The following MAGI1 variants were observed in gnomAD, a reference collection of about 807,000 sequenced individuals.
The protein encoded by MAGI1 is membrane associated guanylate kinase, WW and PDZ domain containing 1.
MAGI1 carries 58 observed loss-of-function variants against 139.9 expected under a neutral mutation model. The ratio of observed to expected loss-of-function variants is 0.41; its 90% CI spans 0.34 to 0.52. The LOEUF is 0.52. MAGI1 is among the 20% of genes least tolerant of loss of function. The probability of loss-of-function intolerance (pLI) is 0.12; values close to 1 mark genes in which losing one functional copy is unlikely to be tolerated. For missense variants in MAGI1, 1,874 were observed against 1,901.6 expected, an observed-to-expected ratio of 0.99 and a Z score of 0.27; for synonymous variants, 812 against 737.9, an observed-to-expected ratio of 1.10 and a Z score of -1.63.
At chr3:65,538,192 C>T (rs2079046962) in intron 2 of MAGI1, among the ~76,000 whole-genome samples, 1 of 152,318 alleles carries the variant, frequency 6.6e-6, no homozygotes. Context: ...ACAACACCCT[C>T]TGCCTTTTCC....
chr3:65,498,448 T>A (rs1048464683), intron 2 of MAGI1, among the ~76,000 whole-genome samples: 16 of 151,712 alleles, frequency 1.1e-4, no homozygotes, highest in African/African-American at 3.9e-4. Context: ...GAAAAAAAAA[T>A]ATATAACGCT....
chr3:65,953,311 T>C (rs1480119034), intron 1 of MAGI1, among the ~76,000 whole-genome samples: 1 of 152,116 alleles, frequency 6.6e-6, no homozygotes, highest in African/African-American at 2.4e-5. Flanking sequence ...AAGGCCTTCA[T>C]GAGGAAAAAC....
At chr3:65,788,686 A>T (rs2039558224) in intron 1 of MAGI1, among the ~76,000 whole-genome samples, 1 of 152,206 alleles carries the variant, frequency 6.6e-6, no homozygotes. Context: ...CCCACACCAA[A>T]CTGAAGTGTC....
chr3:65,490,144 T>C (rs1951900929), intron 3 of MAGI1, among the ~76,000 whole-genome samples: 1 of 152,224 alleles, frequency 6.6e-6, no homozygotes, highest in Non-Finnish European at 1.5e-5. Context: ...CAAAAGCTAA[T>C]GCTGAAGGAG....
chr3:65,861,789 T>C (rs977850724), intron 1 of MAGI1, among the ~76,000 whole-genome samples: 14 of 152,264 alleles, frequency 9.2e-5, no homozygotes, highest in Non-Finnish European at 1.8e-4. Flanking sequence ...TGGGCCTTCA[T>C]TGTCCCGTCT....
intron 1 of MAGI1, among the ~76,000 whole-genome samples, chr3:65,896,922 T>A (rs112674437): frequency 1.3e-5 from 2 of 152,126 alleles, no homozygotes; most frequent in Non-Finnish European, 2.9e-5. Flanking sequence ...AATAATACAA[T>A]TGCCCCTCCA....
At chr3:65,711,203 A>C (rs1000180460) in intron 1 of MAGI1, among the ~76,000 whole-genome samples, 2 of 152,196 alleles carry the variant, frequency 1.3e-5, no homozygotes, top group African/African-American at 4.8e-5. Context: ...GCCTTCATGA[A>C]GCTTGCAGTC....
At chr3:65,963,313 T>A (rs1576282067) in intron 1 of MAGI1, among the ~76,000 whole-genome samples, 2 of 104,216 alleles carry the variant, frequency 1.9e-5, no homozygotes, top group African/African-American at 4.5e-5. Flanking sequence ...CTCTGTCTCT[T>A]AAAAAAAAAA....
rs57059846 is a variant in MAGI1 at position 65,597,925 on chromosome 3, T to TGG, written c.430+24045_430+24046dup. The TGG allele has an allele frequency of 4.5e-3, 1,801 of 396,258 alleles. 18 individuals carry two copies. The highest frequency in any genetic ancestry group is 0.022 in the African/African-American group (864 of 38,478). The allele number at this position is 396,258 out of a possible 1,614,324, so 24.5% of individuals were successfully genotyped here. On this transcript the variant is annotated intron_variant, in intron 2 of 22. Coordinates refer to ENST00000402939, the MANE Select transcript of MAGI1 (RefSeq NM_001033057.2). ...CAGCGGCTGTAAAGAGAGGCGGGGGTGGGGGGGGGGTGGGACCGAACCCCT... is the reference window on the plus strand; with the variant it reads ...CAGCGGCTGTAAAGAGAGGCGGGGGTGGGGGGGGGGGGTGGGACCGAACCCCT...
At chr3:65,945,359 C>T (rs1348953664) in intron 1 of MAGI1, among the ~76,000 whole-genome samples, 1 of 152,104 alleles carries the variant, frequency 6.6e-6, no homozygotes, top group Non-Finnish European at 1.5e-5. Flanking sequence ...TTGTAATGAC[C>T]ACCTAGGAGA....
intron 2 of MAGI1, among the ~76,000 whole-genome samples, chr3:65,596,484 T>A (rs2082204539): frequency 1.3e-5 from 2 of 152,208 alleles, no homozygotes; most frequent in African/African-American, 4.8e-5. Context: ...TTGAGCATGG[T>A]AAACTCTGGG....
chr3:65,927,132 C>A (rs1412495106), intron 1 of MAGI1, among the ~76,000 whole-genome samples: 11 of 152,302 alleles, frequency 7.2e-5, no homozygotes, highest in Middle Eastern at 3.4e-3. Flanking sequence ...ACCGGCAGCC[C>A]TCAGGGCTGG....
chr3:65,556,510 C>T (rs115733492), intron 2 of MAGI1, among the ~76,000 whole-genome samples: 6 of 152,250 alleles, frequency 3.9e-5, no homozygotes, highest in Admixed American at 1.3e-4. Flanking sequence ...ATGTCATTTG[C>T]ATCCATCTCA....
At chr3:65,638,596 GATTT>G (rs2084785081) in intron 1 of MAGI1, among the ~76,000 whole-genome samples, 1 of 69,174 alleles carries the variant, frequency 1.4e-5, no homozygotes, top group Non-Finnish European at 3.0e-5. Flanking sequence ...ATGCTCTCCT[GATTT>G]TTTTTTTTTT....
chr3:65,678,049 A>G (rs2107499256), intron 1 of MAGI1, among the ~76,000 whole-genome samples: 1 of 152,326 alleles, frequency 6.6e-6, no homozygotes, highest in East Asian at 1.9e-4. Flanking sequence ...GGAAGCCATC[A>G]TTTTCAGCTA....
At chr3:66,016,523 G>C (rs1319520637) in intron 1 of MAGI1, among the ~76,000 whole-genome samples, 1 of 152,190 alleles carries the variant, frequency 6.6e-6, no homozygotes, top group Non-Finnish European at 1.5e-5. Flanking sequence ...GAAGCGACGA[G>C]GACACGTTGC....
intron 1 of MAGI1, among the ~76,000 whole-genome samples, chr3:65,802,175 A>T (rs755940133): frequency 2.0e-5 from 3 of 152,160 alleles, no homozygotes; most frequent in Non-Finnish European, 4.4e-5. Context: ...CATTCAGTTA[A>T]AATTTTTCTG....
rs1210061145 is a variant in MAGI1 at position 65,949,994 on chromosome 3, A to G, written c.313+88002T>C. ...AGCCCAGGATGGGGAGGCTGCAGTG[A>G]GCCGAGATGGCACCACTGCACTCCA... On this transcript the variant is annotated intron_variant, in intron 1 of 22. Transcript: ENST00000402939. 3.5e-5 allele frequency among the ~76,000 whole-genome samples: 5 copies of G among 142,018 alleles called. No homozygotes were observed. The East Asian group carries it at 9.7e-4, about 28-fold the overall frequency. The allele number at this position is 142,018 out of a possible 152,430, so 93.2% of individuals were successfully genotyped here.
chr3:65,377,682 CT>C lies in MAGI1; in HGVS notation c.2995+1578del, dbSNP rs772478799. On this transcript the variant is annotated intron_variant, in intron 17 of 22. Transcript: ENST00000402939. ...ATTTTTATATTAAGCAAGAAAGTCT[CT>C]GAAATTAATTTTAAAACAAAACCAA... 2.0e-5 allele frequency among the ~76,000 whole-genome samples: 3 copies of C among 152,316 alleles called. 1 individual carries two copies. Among genetic ancestry groups the C allele is most frequent in the Admixed American group, 2.0e-4 (3 of 15,302 alleles).
Sources: allele counts gnomAD v4.1 joint callset (sites outside exome capture counted in the v4.1 genomes callset), GRCh38; gene constraint gnomAD v4.1.1; transcripts MANE v1.5; gene names NCBI Gene and HGNC (gene_info 2026-07-23, HGNC 2026-07-21).